The following PHACTR2 variants were observed in gnomAD, a reference collection of about 807,000 sequenced individuals.
The protein encoded by PHACTR2 is chromosome 6 open reading frame 56.
Under a neutral mutation model 76.0 loss-of-function variants are expected in PHACTR2, and 30 were observed. The ratio of observed to expected loss-of-function variants is 0.39; its 90% CI spans 0.30 to 0.54. PHACTR2 has a LOEUF of 0.54. Among genes scored for constraint, PHACTR2 ranks in the 20% least tolerant of loss-of-function variants. The pLI is 0.61. For synonymous variants in PHACTR2, 292 were observed against 292.5 expected (o/e 1.00, Z 0.02); for missense variants, 696 against 781.1 (o/e 0.89, Z 1.30).
At chr6:143,614,918 A>G (rs1776037707) in intron 1 of PHACTR2, among the ~76,000 whole-genome samples, 1 of 152,228 alleles carries the variant, frequency 6.6e-6, no homozygotes, top group Non-Finnish European at 1.5e-5. Context: ...TTAAAAATAG[A>G]TGATGTAAGA....
At chr6:143,645,764 A>G (rs954734898) in intron 1 of PHACTR2, among the ~76,000 whole-genome samples, 4 of 152,218 alleles carry the variant, frequency 2.6e-5, no homozygotes, top group African/African-American at 9.6e-5. Context: ...ATTATTCCTT[A>G]AAAAATTGAA....
At position 143,537,616 on chromosome 6, in the gene PHACTR2, G is replaced by A. The variant is rs1025568516; in HGVS notation, c.217+409G>A. On this transcript the variant is annotated intron_variant, in intron 1 of 11. Coordinates refer to the PHACTR2 transcript ENST00000367584. The surrounding 1 kb of genome is among the most constrained non-coding windows in gnomAD (Gnocchi z 4.4). ...AGGGTGCGGTTCCCTCACTTTGCGG[G>A]CTGGGACCAGGGCAGGTCTTGGGAG... Among the ~76,000 whole-genome samples the A allele has an allele frequency of 6.6e-6, 1 of 152,198 alleles. No homozygotes were observed. Among genetic ancestry groups the A allele is most frequent in the African/African-American group, 2.4e-5 (1 of 41,446 alleles).
At position 143,551,662 on chromosome 6, in the gene PHACTR2, A is replaced by G. The variant is rs561985222; in HGVS notation, c.217+14455A>G. Among the ~76,000 whole-genome samples the G allele has an allele frequency of 6.6e-5, 10 of 152,278 alleles. No individual in the cohort carries two copies. In the South Asian group the frequency reaches 2.1e-3, roughly 32 times the overall value. ...GGACCTCCTTCTAGGGAGACTAAAG[A>G]TGCTGAGATACACCTTAGTATCAGA... On this transcript the variant is annotated intron_variant, in intron 1 of 11. Coordinates refer to the PHACTR2 transcript ENST00000367584.
At chr6:143,560,299 T>C (rs908411541) in intron 1 of PHACTR2, among the ~76,000 whole-genome samples, 79 of 152,226 alleles carry the variant, frequency 5.2e-4, no homozygotes, top group African/African-American at 1.8e-3. Context: ...AGCCCTGCAG[T>C]TGCAATGGAT....
rs1776959408 is a variant in PHACTR2, at chr6:143,662,252, G to A, written c.14-49764G>A. Among the ~76,000 whole-genome samples the A allele has an allele frequency of 6.6e-6, 1 of 152,028 alleles. No homozygotes were observed. Among genetic ancestry groups the A allele is most frequent in the Non-Finnish European group, 1.5e-5 (1 of 67,994 alleles). On this transcript the variant is annotated intron_variant, in intron 1 of 11. Coordinates refer to the PHACTR2 transcript ENST00000305766. This position sits in a 1 kb window ranked among gnomAD's most constrained non-coding sequence, Gnocchi z 4.7. ...CCCTAGAGAGCTGTTTTACTTGGAG[G>A]CATTTCTTAGATTTAAGTTCTAATA...
Position 143,671,733 on chromosome 6 carries a change from T to C in PHACTR2, c.14-40283T>C, listed in dbSNP as rs939164073. 6.6e-6 allele frequency among the ~76,000 whole-genome samples: 1 copy of C among 152,192 alleles called. No homozygotes were observed. Among genetic ancestry groups the C allele is most frequent in the African/African-American group, 2.4e-5 (1 of 41,432 alleles). The stretch of plus-strand genomic sequence containing the variant: ...GTTGAGTGGTGAACCAATCAATGAG[T>C]TATTATTAATATAGAACTAGCATAT... On this transcript the variant is annotated intron_variant, in intron 1 of 11. Transcript: ENST00000305766. The surrounding 1 kb of genome is among the most constrained non-coding windows in gnomAD (Gnocchi z 4.6).
chr6:143,718,917 C>T (rs927803643), intron 2 of PHACTR2, among the ~76,000 whole-genome samples: 1 of 139,784 alleles, frequency 7.2e-6, no homozygotes, highest in South Asian at 2.3e-4. Flanking sequence ...GAGTCTCGCT[C>T]TGTCATCCAA....
Position 143,641,916 on chromosome 6 carries a change from T to C in PHACTR2, c.13+33594T>C, listed in dbSNP as rs928711074. Among the ~76,000 whole-genome samples the C allele has an allele frequency of 1.3e-5, 2 of 152,206 alleles. No homozygotes were observed. The highest frequency in any genetic ancestry group is 4.8e-5 in the African/African-American group (2 of 41,464). On this transcript the variant is annotated intron_variant, in intron 1 of 11. Coordinates refer to the PHACTR2 transcript ENST00000305766. The surrounding 1 kb of genome is among the most constrained non-coding windows in gnomAD (Gnocchi z 5.8). Reference sequence around the variant, plus strand: ...GGAGTTCTATATACATTTTTTCTCTTGTGACACTAAAGAATGCCTAGATAT... The same window carrying C: ...GGAGTTCTATATACATTTTTTCTCTCGTGACACTAAAGAATGCCTAGATAT...
At chr6:143,626,268 T>G (rs1190922327) in intron 1 of PHACTR2, among the ~76,000 whole-genome samples, 1 of 152,006 alleles carries the variant, frequency 6.6e-6, no homozygotes, top group East Asian at 1.9e-4. Context: ...CCGGGCACGG[T>G]TGCTCACGCC....
rs1377211242 is a variant in PHACTR2 at position 143,547,610 on chromosome 6, A to G, written c.217+10403A>G. Among the ~76,000 whole-genome samples the G allele has an allele frequency of 2.0e-5, 3 of 152,270 alleles. No homozygotes were observed. Among genetic ancestry groups the G allele is most frequent in the Non-Finnish European group, 4.4e-5 (3 of 68,052 alleles). Reference sequence around the variant, plus strand: ...CCAATCAGATATGAATGAGAGGATTACTAAGTAATAGCAAGGGTTTGAACA... The same window carrying G: ...CCAATCAGATATGAATGAGAGGATTGCTAAGTAATAGCAAGGGTTTGAACA... On this transcript the variant is annotated intron_variant, in intron 1 of 11. Transcript: ENST00000367584. This position sits in a 1 kb window ranked among gnomAD's most constrained non-coding sequence, Gnocchi z 4.2.
In PHACTR2 at chr6:143,633,530, T is replaced by C. The variant is rs1776400195; in HGVS notation, c.13+25208T>C. 6.6e-6 allele frequency among the ~76,000 whole-genome samples: 1 copy of C among 152,210 alleles called. No individual in the cohort carries two copies. The highest frequency in any genetic ancestry group is 2.4e-5 in the African/African-American group (1 of 41,460). ...TATTGTTGTGCTTGAAGAGTTTATA[T>C]TTTGGGTAACCATCATTTATCAGAT... On this transcript the variant is annotated intron_variant, in intron 1 of 11. Transcript: ENST00000305766. This position sits in a 1 kb window ranked among gnomAD's most constrained non-coding sequence, Gnocchi z 4.1.
intron 12 of PHACTR2, among the ~76,000 whole-genome samples, chr6:143,813,605 G>A (rs148860479): frequency 0.011 from 1,428 of 124,848 alleles, 25 homozygotes; most frequent in African/African-American, 0.043. Context: ...GCAACAGAGC[G>A]AGACTCCGCC....
At chr6:143,682,940 T>G (rs1777431091) in intron 1 of PHACTR2, among the ~76,000 whole-genome samples, 1 of 152,244 alleles carries the variant, frequency 6.6e-6, no homozygotes, top group Admixed American at 6.5e-5. Flanking sequence ...TCTATTGAGG[T>G]GATCATATGG....
intron 2 of PHACTR2, among the ~76,000 whole-genome samples, chr6:143,720,182 C>T (rs1778406799): frequency 6.6e-6 from 1 of 152,104 alleles, no homozygotes; most frequent in Non-Finnish European, 1.5e-5. Flanking sequence ...GTGATACATA[C>T]AATATGTCAG....
At position 143,776,239 on chromosome 6, in the gene PHACTR2, T is replaced by C. The variant is rs1057286010; in HGVS notation, c.1590-1089T>C. On this transcript the variant is annotated intron_variant, in intron 8 of 12. Coordinates refer to ENST00000440869, the MANE Select transcript of PHACTR2 (RefSeq NM_001100164.2). The surrounding 1 kb of genome is among the most constrained non-coding windows in gnomAD (Gnocchi z 5.3). ...GAAAAATTCCTTAACCTTACTGTGC[T>C]AAAAGTCTGGTCACAATTATTTGTG... Among the ~76,000 whole-genome samples, 2 of 152,222 alleles carry C rather than the reference T, an allele frequency of 1.3e-5. No individual in the cohort carries two copies. The highest frequency in any genetic ancestry group is 4.8e-5 in the African/African-American group (2 of 41,454).
rs1056089801 is a variant in PHACTR2 at position 143,738,364 on chromosome 6, C to G, written c.215-10621C>G. Among the ~76,000 whole-genome samples, 4 of 151,610 alleles carry G rather than the reference C, an allele frequency of 2.6e-5. No homozygotes were observed. The highest frequency in any genetic ancestry group is 9.7e-5 in the African/African-American group (4 of 41,268). On this transcript the variant is annotated intron_variant, in intron 2 of 12. Coordinates refer to ENST00000440869, the MANE Select transcript of PHACTR2 (RefSeq NM_001100164.2). The surrounding 1 kb of genome is among the most constrained non-coding windows in gnomAD (Gnocchi z 4.0). ...GACTCCATCTCAAAACAAAACAAAA[C>G]AAAAGATTATACATTTTTTTTCATG...
rs762568614 is a variant in PHACTR2, at chr6:143,760,627, G to A, written c.681G>A (p.Thr227=). The change falls in exon 5 of 13, where the codon ACG becomes ACA. Residue 227 remains threonine (T), a synonymous_variant. Coordinates refer to ENST00000440869, the MANE Select transcript of PHACTR2 (RefSeq NM_001100164.2). The surrounding 1 kb of genome is among the most constrained non-coding windows in gnomAD (Gnocchi z 6.4). ...VPPPKPASRN[T]TREAAGSSHS... ...CACCCAAGCCAGCAAGCCGAAACAC[G>A]ACCCGAGAGGCTGGTGAGTATGCCC... is the stretch of plus-strand genomic sequence containing the variant. The A allele has an allele frequency of 2.9e-5, 47 of 1,613,736 alleles. No individual in the cohort carries two copies. In the Admixed American group the frequency reaches 4.5e-4, roughly 15 times the overall value.
At chr6:143,666,803 A>G (rs574891891) in intron 1 of PHACTR2, among the ~76,000 whole-genome samples, 1 of 152,304 alleles carries the variant, frequency 6.6e-6, no homozygotes, top group East Asian at 1.9e-4. Context: ...ATAGATTGCA[A>G]AAGTTTTCTC....
At position 143,558,237 on chromosome 6, in the gene PHACTR2, T is replaced by C. The variant is rs1775207979; in HGVS notation, c.217+21030T>C. ...AGAAAAAAAAGTTATCCTGGATATA[T>C]TTGATGATATTAAGGAATTAATGTT... On this transcript the variant is annotated intron_variant, in intron 1 of 11. Coordinates refer to the PHACTR2 transcript ENST00000367584. The surrounding 1 kb of genome is among the most constrained non-coding windows in gnomAD (Gnocchi z 4.7). 1 of 152,202 alleles carries C rather than the reference T, an allele frequency of 6.6e-6. No homozygotes were observed. The highest frequency in any genetic ancestry group is 2.4e-5 in the African/African-American group (1 of 41,456). The allele number at this position is 152,202 out of a possible 1,614,324, so 9.4% of individuals were successfully genotyped here.
Sources: allele counts gnomAD v4.1 joint callset (sites outside exome capture counted in the v4.1 genomes callset), GRCh38; gene constraint gnomAD v4.1.1; non-coding constraint Gnocchi (gnomAD v3.1); transcripts MANE v1.5; gene names NCBI Gene and HGNC (gene_info 2026-07-23, HGNC 2026-07-21).